Variants in EPHA6 observed in about 807,000 individuals in gnomAD.
The protein encoded by EPHA6 is EPH receptor A6, also known as ephrin type-A receptor 6.
Under a neutral mutation model 112.0 loss-of-function variants are expected in EPHA6, and 50 were observed. The observed-to-expected ratio is 0.45, with a 90% CI of 0.36 to 0.56. EPHA6 has a LOEUF of 0.56. Ranked by LOEUF, EPHA6 falls within the 20% of genes least tolerant of loss-of-function variation. The probability of loss-of-function intolerance (pLI) is 0.00; values close to 1 mark genes in which losing one functional copy is unlikely to be tolerated. For synonymous variants in EPHA6, 529 were observed against 490.7 expected, an observed-to-expected ratio of 1.08 and a Z score of -1.03; for missense variants, 1,280 against 1,417.4, an observed-to-expected ratio of 0.90 and a Z score of 1.56.
At position 96,927,171 on chromosome 3, in the gene EPHA6, C is replaced by T. The variant is rs184150616; in HGVS notation, c.451-60159C>T. On this transcript the variant is annotated intron_variant, in intron 2 of 17. Transcript: ENST00000389672. Reference sequence around the variant, plus strand: ...GGCTTGCACCCACTGAAGCAACAGCCGGAGCTGTACCTTGGCCTCTTTTAG... The same window carrying T: ...GGCTTGCACCCACTGAAGCAACAGCTGGAGCTGTACCTTGGCCTCTTTTAG... Among the ~76,000 whole-genome samples the T allele has an allele frequency of 4.7e-4, 71 of 152,286 alleles. No individual in the cohort carries two copies. In the East Asian group the frequency reaches 0.013, roughly 27 times the overall value.
At chr3:97,032,448 T>G (rs2044897605) in intron 3 of EPHA6, among the ~76,000 whole-genome samples, 1 of 151,848 alleles carries the variant, frequency 6.6e-6, no homozygotes. Context: ...TAAAGTATAA[T>G]AATAAAATAA....
At position 97,622,260 on chromosome 3, in the gene EPHA6, TC is replaced by T. The variant is rs908129507; in HGVS notation, c.2574+11411del. Among the ~76,000 whole-genome samples the T allele has an allele frequency of 1.3e-4, 20 of 151,824 alleles. 1 individual carries two copies. Among genetic ancestry groups the T allele is most frequent in the African/African-American group, 3.1e-4 (13 of 41,484 alleles). ...ATCATTAAACTCCCCACTTCTCCCT[TC>T]CCCCAGCCCCTGGCAAACAGCATTC... is the stretch of plus-strand genomic sequence containing the variant. On this transcript the variant is annotated intron_variant, in intron 13 of 17. Transcript: ENST00000389672.
chr3:96,880,253 C>T (rs1576221075), intron 2 of EPHA6, among the ~76,000 whole-genome samples: 1 of 151,862 alleles, frequency 6.6e-6, no homozygotes, highest in Non-Finnish European at 1.5e-5. Flanking sequence ...CACTGTACCC[C>T]ACAAATAATG....
chr3:96,861,578 TA>T (rs1012858011), intron 1 of EPHA6, among the ~76,000 whole-genome samples: 2 of 152,014 alleles, frequency 1.3e-5, no homozygotes, highest in African/African-American at 4.8e-5. Flanking sequence ...TTTTATTCTC[TA>T]ATTAGAAAAA....
chr3:97,058,774 A>G (rs1333176703), intron 3 of EPHA6, among the ~76,000 whole-genome samples: 1 of 152,222 alleles, frequency 6.6e-6, no homozygotes, highest in Non-Finnish European at 1.5e-5. Flanking sequence ...AATCAATTCC[A>G]CTGATTTAAA....
chr3:97,495,696 TATC>T (rs2091958966), intron 10 of EPHA6, among the ~76,000 whole-genome samples: 1 of 152,160 alleles, frequency 6.6e-6, no homozygotes. Flanking sequence ...TGTGTACTCT[TATC>T]ATAAGAGCTC....
chr3:97,008,541 G>A (rs967489085), intron 3 of EPHA6, among the ~76,000 whole-genome samples: 14 of 152,116 alleles, frequency 9.2e-5, no homozygotes, highest in Admixed American at 7.2e-4. Flanking sequence ...CACTTTTTGA[G>A]TTGGGTTAGA....
At chr3:96,937,098 G>A (rs1016215442) in intron 2 of EPHA6, among the ~76,000 whole-genome samples, 12 of 152,158 alleles carry the variant, frequency 7.9e-5, no homozygotes, top group African/African-American at 2.4e-4. Context: ...ATAGCAGCAC[G>A]ATTTATAATC....
chr3:97,359,365 G>T (rs904398079), intron 5 of EPHA6, among the ~76,000 whole-genome samples: 5 of 148,918 alleles, frequency 3.4e-5, no homozygotes, highest in Non-Finnish European at 6.0e-5. Flanking sequence ...TTCAGTTATT[G>T]TATTTTTAGC....
intron 5 of EPHA6, among the ~76,000 whole-genome samples, chr3:97,388,528 C>A (rs757848865): frequency 1.3e-5 from 2 of 151,992 alleles, no homozygotes; most frequent in African/African-American, 2.4e-5. Context: ...AAAAAAATGA[C>A]TTTTAAGAAA....
intron 2 of EPHA6, among the ~76,000 whole-genome samples, chr3:96,880,083 T>C (rs1245218928): frequency 6.6e-6 from 1 of 151,982 alleles, no homozygotes; most frequent in Admixed American, 6.6e-5. Context: ...AATAACCACC[T>C]ATACTCCGAA....
chr3:97,506,969 C>T (rs1419117478), intron 10 of EPHA6, among the ~76,000 whole-genome samples: 2 of 151,392 alleles, frequency 1.3e-5, no homozygotes, highest in Non-Finnish European at 3.0e-5. Flanking sequence ...TTCTCTCTGT[C>T]TATTATTGGT....
chr3:97,355,755 A>G (rs1706453898), intron 5 of EPHA6, among the ~76,000 whole-genome samples: 1 of 152,170 alleles, frequency 6.6e-6, no homozygotes, highest in Non-Finnish European at 1.5e-5. Flanking sequence ...AATGGATTAA[A>G]AATAAGACCC....
chr3:97,405,018 A>G, intron 5 of EPHA6, 132 bp from the exon 6 acceptor site: 1 of 944,136 alleles, frequency 1.1e-6, no homozygotes, highest in Non-Finnish European at 1.6e-6. Flanking sequence ...AGGCTATCTT[A>G]TTAATCTGCC....
chr3:97,438,283 C>T (rs1363093600), intron 6 of EPHA6, among the ~76,000 whole-genome samples: 2 of 152,212 alleles, frequency 1.3e-5, no homozygotes, highest in East Asian at 3.9e-4. Context: ...TATTTCAGCA[C>T]AAATCTTAGT....
At chr3:96,889,877 C>A (rs2037852616) in intron 2 of EPHA6, among the ~76,000 whole-genome samples, 1 of 152,028 alleles carries the variant, frequency 6.6e-6, no homozygotes, top group African/African-American at 2.4e-5. Flanking sequence ...GCAGACCCAC[C>A]ATTTATTAAG....
intron 3 of EPHA6, among the ~76,000 whole-genome samples, chr3:97,076,174 A>G (rs954897781): frequency 1.3e-5 from 2 of 152,216 alleles, no homozygotes; most frequent in African/African-American, 4.8e-5. Context: ...TCAAAAGCCA[A>G]AAAAGGCTCA....
chr3:97,548,732 C>A (rs2092991632), intron 11 of EPHA6, among the ~76,000 whole-genome samples: 2 of 152,172 alleles, frequency 1.3e-5, no homozygotes, highest in African/African-American at 4.8e-5. Context: ...TACGCAAGCA[C>A]CCTAGTTGGT....
intron 1 of EPHA6, among the ~76,000 whole-genome samples, chr3:96,817,463 A>T (rs1325931192): frequency 1.3e-5 from 2 of 151,942 alleles, no homozygotes; most frequent in Non-Finnish European, 2.9e-5. Context: ...TGGAAAGATA[A>T]ATGTAAAATA....
Sources: gnomAD v4.1 joint callset for allele counts (sites outside exome capture counted in the v4.1 genomes callset) on GRCh38, gnomAD v4.1.1 for gene constraint, MANE v1.5 for transcripts, NCBI Gene and HGNC (gene_info 2026-07-23, HGNC 2026-07-21) for gene names.